Variants in DIAPH1 observed in about 807,000 individuals in gnomAD.
DIAPH1 encodes protein diaphanous homolog 1.
DIAPH1 carries 46 observed loss-of-function variants against 140.7 expected under a neutral mutation model. The observed-to-expected ratio is 0.33, with a 90% CI of 0.26 to 0.42. DIAPH1 has a LOEUF of 0.42. Ranked by LOEUF, DIAPH1 falls within the 10% of genes least tolerant of loss-of-function variation. The pLI is 1.00. For synonymous variants in DIAPH1, 565 were observed against 551.6 expected (o/e 1.02, Z -0.34); for missense variants, 1,310 against 1,558.7 (o/e 0.84, Z 2.69).
chr5:141,594,943 A>T (rs1174667848), intron 1 of DIAPH1, among the ~76,000 whole-genome samples: 5 of 151,496 alleles, frequency 3.3e-5, no homozygotes, highest in Admixed American at 6.6e-5. Flanking sequence ...TGGGAGGCTG[A>T]GGCAGGAGAA....
At chr5:141,618,524 C>G in intron 1 of DIAPH1, 1 of 348,354 alleles carries the variant, frequency 2.9e-6, no homozygotes, top group South Asian at 3.9e-5. Flanking sequence ...GGCTGAGAGC[C>G]GGCCGGGGAT....
At chr5:141,519,456 C>T (rs914394834) in intron 27 of DIAPH1, among the ~76,000 whole-genome samples, 1 of 152,152 alleles carries the variant, frequency 6.6e-6, no homozygotes, top group African/African-American at 2.4e-5. Flanking sequence ...GGGAAAAGAA[C>T]ACTGGGCCAC....
intron 3 of DIAPH1, among the ~76,000 whole-genome samples, chr5:141,586,490 C>T (rs1381541175): frequency 1.3e-5 from 2 of 152,228 alleles, no homozygotes; most frequent in African/African-American, 4.8e-5. Context: ...ACTGAATATC[C>T]TCCTTATTCG....
chr5:141,552,956 A>T (rs912755853), intron 18 of DIAPH1, among the ~76,000 whole-genome samples: 1 of 152,212 alleles, frequency 6.6e-6, no homozygotes. Flanking sequence ...GCACTCTCTT[A>T]CGGCAGCCCT....
At chr5:141,569,818 G>A (rs1011478713) in intron 18 of DIAPH1, among the ~76,000 whole-genome samples, 2 of 151,972 alleles carry the variant, frequency 1.3e-5, no homozygotes, top group Non-Finnish European at 2.9e-5. Context: ...ATCTTTTTCT[G>A]AAATATAAAT....
At chr5:141,614,268 C>G (rs2099902295) in intron 1 of DIAPH1, among the ~76,000 whole-genome samples, 2 of 152,002 alleles carry the variant, frequency 1.3e-5, no homozygotes, top group Admixed American at 1.3e-4. Context: ...TAGTATTTAT[C>G]AATAAAAATT....
chr5:141,573,211 C>A lies in DIAPH1; in HGVS notation c.2358+281G>T, dbSNP rs866716216. On this transcript the variant is annotated intron_variant, in intron 16 of 27. Coordinates refer to ENST00000389054, the MANE Select transcript of DIAPH1 (RefSeq NM_005219.5). ...CAGCACTTTGGGAGGCCGAGACGGG[C>A]GGATCACGAGGTCAGGAGATCGAGA... is the stretch of plus-strand genomic sequence containing the variant. Among the ~76,000 whole-genome samples, 3 of 151,766 alleles carry A rather than the reference C, an allele frequency of 2.0e-5. No homozygotes were observed. In the East Asian group the frequency reaches 5.9e-4, roughly 30 times the overall value.
chr5:141,617,233 T>C (rs1652205392), intron 1 of DIAPH1, among the ~76,000 whole-genome samples: 1 of 148,382 alleles, frequency 6.7e-6, no homozygotes, highest in Non-Finnish European at 1.5e-5. Flanking sequence ...TAAAGAAACA[T>C]ACAAAAATGC....
chr5:141,532,076 A>T (rs937924999), intron 19 of DIAPH1, among the ~76,000 whole-genome samples: 1 of 152,164 alleles, frequency 6.6e-6, no homozygotes, highest in African/African-American at 2.4e-5. Context: ...GTTGTACTCA[A>T]CTACTTGCAG....
At chr5:141,581,952 C>T (rs1417712386) in intron 7 of DIAPH1, 4 of 181,016 alleles carry the variant, frequency 2.2e-5, no homozygotes, top group East Asian at 1.5e-4. Flanking sequence ...CCCAGCTACT[C>T]GGGAGGCTGA....
intron 1 of DIAPH1, among the ~76,000 whole-genome samples, chr5:141,607,521 T>G (rs1469242110): frequency 1.3e-5 from 2 of 152,234 alleles, no homozygotes; most frequent in East Asian, 3.8e-4. Context: ...TCACCACCAC[T>G]TATCACATGG....
intron 19 of DIAPH1, 109 bp downstream of exon 19, chr5:141,534,226 G>T: frequency 1.2e-6 from 1 of 863,560 alleles, no homozygotes; most frequent in Non-Finnish European, 1.9e-6. Flanking sequence ...TATATAGCAG[G>T]AATTGAACAA....
intron 18 of DIAPH1, among the ~76,000 whole-genome samples, chr5:141,560,348 C>G (rs1014330055): frequency 2.6e-5 from 4 of 152,202 alleles, no homozygotes; most frequent in Non-Finnish European, 4.4e-5. Flanking sequence ...CTCAACATGC[C>G]TGCATTCTTG....
chr5:141,516,944 G>A lies in DIAPH1; in HGVS notation c.3726C>T (p.Ala1242=), dbSNP rs1431294451. The change falls in exon 28 of 28, where the codon GCC becomes GCT. Residue 1242 remains alanine (A), a synonymous_variant. Coordinates refer to ENST00000389054, the MANE Select transcript of DIAPH1 (RefSeq NM_005219.5). Reference sequence around the variant, plus strand: ...ACACCTTGGCAGGAACAGCAGCCATGGCATCATCCTTGGTCAGCTCCGAAG... The same window carrying A: ...ACACCTTGGCAGGAACAGCAGCCATAGCATCATCCTTGGTCAGCTCCGAAG... ...LLASELTKDD[A]MAAVPAKVSK... The A allele has an allele frequency of 6.2e-7, 1 of 1,614,256 alleles. No individual in the cohort carries two copies. The highest frequency in any genetic ancestry group is 8.5e-7 in the Non-Finnish European group (1 of 1,180,052).
chr5:141,534,891 C>G (rs1343388602), intron 18 of DIAPH1, among the ~76,000 whole-genome samples: 1 of 152,188 alleles, frequency 6.6e-6, no homozygotes, highest in Non-Finnish European at 1.5e-5. Flanking sequence ...TCCCCTTCCA[C>G]CATGTTATCC....
intron 20 of DIAPH1, 117 bp from the exon 21 acceptor site, chr5:141,529,390 A>G: frequency 2.1e-6 from 2 of 969,690 alleles, no homozygotes; most frequent in East Asian, 2.5e-5. Context: ...AGAAAGAAAC[A>G]TATGGTGGGA....
chr5:141,536,182 G>T (rs2099888984), intron 18 of DIAPH1: 1 of 335,866 alleles, frequency 3.0e-6, no homozygotes, highest in African/African-American at 2.2e-5. Context: ...CGCACCTGTA[G>T]TCCCTGCTAC....
At chr5:141,526,500 A>G in intron 24 of DIAPH1, 39 bp from the exon 25 acceptor site, 1 of 1,613,558 alleles carries the variant, frequency 6.2e-7, no homozygotes, top group Non-Finnish European at 8.5e-7. Flanking sequence ...CAAGACCAAG[A>G]AGCAGACCCA....
intron 3 of DIAPH1, 141 bp downstream of exon 3, chr5:141,586,901 A>C: frequency 1.2e-6 from 1 of 851,838 alleles, no homozygotes; most frequent in Non-Finnish European, 2.0e-6. Flanking sequence ...TTATGGGATT[A>C]AAGGGTTAAT....
Sources: allele counts gnomAD v4.1 joint callset (sites outside exome capture counted in the v4.1 genomes callset), GRCh38; gene constraint gnomAD v4.1.1; transcripts MANE v1.5; gene names NCBI Gene and HGNC (gene_info 2026-07-23, HGNC 2026-07-21).